RAF1: variants seen among roughly 807,000 people sequenced by gnomAD.
The protein encoded by RAF1 is RAF proto-oncogene serine/threonine-protein kinase.
In RAF1, 27 loss-of-function variants were observed where a neutral mutation model predicts 81.1. The observed-to-expected ratio is 0.33, with a 90% CI of 0.25 to 0.46. The LOEUF (loss-of-function observed/expected upper bound fraction) is 0.46, where lower values mean the gene tolerates loss of function less well. Among genes scored for constraint, RAF1 ranks in the 20% least tolerant of loss-of-function variants. The pLI is 1.00. For synonymous variants in RAF1, 298 were observed against 294.0 expected, an observed-to-expected ratio of 1.01 and a Z score of -0.14; for missense variants, 598 against 826.0, an observed-to-expected ratio of 0.72 and a Z score of 3.38.
At chr3:12,654,985 G>A (rs2060640562) in intron 1 of RAF1, among the ~76,000 whole-genome samples, 1 of 140,734 alleles carries the variant, frequency 7.1e-6, no homozygotes, top group African/African-American at 2.6e-5. Context: ...AGACCAACCT[G>A]GTAAACATAG....
chr3:12,634,742 C>A (rs1431162335), intron 1 of RAF1, among the ~76,000 whole-genome samples: 1 of 151,886 alleles, frequency 6.6e-6, no homozygotes, highest in Non-Finnish European at 1.5e-5. Flanking sequence ...GAAGGAGTAA[C>A]AGAGAAGGGA....
At chr3:12,625,840 T>C (rs1444235232) in intron 1 of RAF1, among the ~76,000 whole-genome samples, 3 of 151,912 alleles carry the variant, frequency 2.0e-5, no homozygotes, top group African/African-American at 2.4e-5. Context: ...CACACACGAG[T>C]CATTTTCCAT....
intron 6 of RAF1, among the ~76,000 whole-genome samples, chr3:12,604,855 C>T (rs1203003995): frequency 1.4e-5 from 2 of 146,794 alleles, no homozygotes; most frequent in Non-Finnish European, 3.1e-5. Context: ...CCAGTCACCA[C>T]CAACCCCCAC....
chr3:12,614,337 C>T (rs745365068), intron 2 of RAF1, among the ~76,000 whole-genome samples: 62 of 152,110 alleles, frequency 4.1e-4, no homozygotes, highest in Admixed American at 4.6e-4. Context: ...ACAGATTAAG[C>T]AGGCCTGCCA....
At chr3:12,624,042 A>G (rs1184297448) in intron 1 of RAF1, among the ~76,000 whole-genome samples, 1 of 151,672 alleles carries the variant, frequency 6.6e-6, no homozygotes, top group Non-Finnish European at 1.5e-5. Flanking sequence ...TTTAGTAGAG[A>G]CAGGGTTTCT....
intron 1 of RAF1, among the ~76,000 whole-genome samples, chr3:12,635,620 G>A (rs369981477): frequency 2.9e-5 from 2 of 70,108 alleles, no homozygotes; most frequent in East Asian, 9.8e-4. Context: ...TGGGCAAAAA[G>A]AGTGAAACTC....
In RAF1 at chr3:12,625,761, G is replaced by A. The variant is rs535007421; in HGVS notation, c.-26-7014C>T. Among the ~76,000 whole-genome samples, 4 of 152,220 alleles carry A rather than the reference G, an allele frequency of 2.6e-5. No homozygotes were observed. The East Asian group carries it at 5.8e-4, about 22-fold the overall frequency. ...TTCCTGAGGCCAGGAGTTCGAGGCT[G>A]TAGTGCATGACTGCACCTGTGAAGA... On this transcript the variant is annotated intron_variant, in intron 1 of 17. Transcript: ENST00000442415.
chr3:12,614,459 A>G (rs4234511), intron 2 of RAF1, among the ~76,000 whole-genome samples: 128,404 of 151,942 alleles, frequency 0.85, 54,718 homozygotes, highest in African/African-American at 0.95. Flanking sequence ...CTGAGACAGA[A>G]TCTTGCTCTG....
chr3:12,634,624 A>AC (rs1327293500), intron 1 of RAF1, among the ~76,000 whole-genome samples: 1 of 152,106 alleles, frequency 6.6e-6, no homozygotes, highest in African/African-American at 2.4e-5. Context: ...CAATTATGTG[A>AC]CCCCTTCTAG....
intron 1 of RAF1, among the ~76,000 whole-genome samples, chr3:12,662,375 T>G (rs1446093976): frequency 3.0e-5 from 4 of 133,008 alleles, no homozygotes; most frequent in Non-Finnish European, 3.2e-5. Flanking sequence ...AAAAAAAAGT[T>G]TGCATTGTTC....
chr3:12,606,264 A>C lies in RAF1; in HGVS notation c.617T>G (p.Val206Gly), dbSNP rs1441036831. 1 of 1,613,936 alleles carries C rather than the reference A, an allele frequency of 6.2e-7. No homozygotes were observed. The highest frequency in any genetic ancestry group is 8.5e-7 in the Non-Finnish European group (1 of 1,179,836). Residue 206 changes from valine (V) to glycine (G), a missense_variant, in exon 6 of 18, where the codon GTC (valine) becomes GGC (glycine). Val to Gly is a moderately radical substitution (Grantham distance 109). Around this residue, in one of 5 missense-constraint regions of RAF1, gnomAD observed 194 missense variants for 202.7 expected, o/e 0.96. Transcript: ENST00000442415. ...CATAGTCAAAGAAGGTAGTGCTGGG[A>C]CTCCACTATCACCAATAGTGGAATT... is the stretch of plus-strand genomic sequence containing the variant.
intron 8 of RAF1, chr3:12,603,435 C>A: frequency 1.5e-6 from 1 of 671,954 alleles, no homozygotes; most frequent in South Asian, 1.6e-5. Context: ...TTTAGCAATC[C>A]TGTTAATTAC....
intron 17 of RAF1, 28 bp from the exon 17 acceptor site, chr3:12,584,685 T>A (rs2125317725): frequency 4.3e-6 from 7 of 1,614,022 alleles, no homozygotes; most frequent in Non-Finnish European, 5.9e-6. Flanking sequence ...AATGCTCTCA[T>A]TAGCTGTGTC....
At chr3:12,651,661 A>G (rs1458860711) in intron 1 of RAF1, among the ~76,000 whole-genome samples, 1 of 151,492 alleles carries the variant, frequency 6.6e-6, no homozygotes, top group Non-Finnish European at 1.5e-5. Context: ...CTCAAAAAAA[A>G]AAAAAGATAC....
intron 1 of RAF1, among the ~76,000 whole-genome samples, chr3:12,654,913 A>G (rs2060638312): frequency 6.6e-6 from 1 of 150,878 alleles, no homozygotes; most frequent in African/African-American, 2.4e-5. Context: ...CAGTGGCTCA[A>G]GCCTGTAATC....
rs1229082028 is a variant in RAF1, at chr3:12,599,823, G to T, written c.1051-15C>A. 3 of 1,576,156 alleles carry T rather than the reference G, an allele frequency of 1.9e-6. No individual in the cohort carries two copies. In the African/African-American group the frequency reaches 4.0e-5, roughly 21 times the overall value. Reference sequence around the variant, plus strand: ...CCACGAGGCCTCTGAAACAAGTAGAGATCATTATTATACTCCATGCAATGG... The same window carrying T: ...CCACGAGGCCTCTGAAACAAGTAGATATCATTATTATACTCCATGCAATGG... On this transcript the variant is annotated splice_polypyrimidine_tract_variant and intron_variant, in intron 10 of 17. Transcript: ENST00000442415.
intron 3 of RAF1, among the ~76,000 whole-genome samples, chr3:12,610,522 ATCTC>A (rs1575586220): frequency 6.6e-6 from 1 of 152,116 alleles, no homozygotes; most frequent in Non-Finnish European, 1.5e-5. Context: ...CTGTCTCAGA[ATCTC>A]TCTAGTCCTT....
chr3:12,590,871 G>C lies in RAF1; in HGVS notation c.1357C>G (p.Leu453Val), dbSNP rs368676608. Residue 453 changes from leucine to valine, a missense_variant, in exon 13 of 18, where the codon CTG (leucine) becomes GTG (valine). This residue lies in a region of RAF1 where 85 missense variants were observed against 185.6 expected (regional missense o/e 0.46). Transcript: ENST00000442415. Reference sequence around the variant, plus strand: ...TGAAACTTGGTCTCCTGGACATGCAGGTGTTTGTAGAGGCTGCTGCCCTCG... The same window carrying C: ...TGAAACTTGGTCTCCTGGACATGCACGTGTTTGTAGAGGCTGCTGCCCTCG... The C allele has an allele frequency of 1.1e-5, 18 of 1,613,614 alleles. No individual in the cohort carries two copies. The highest frequency in any genetic ancestry group is 1.6e-4 in the Middle Eastern group (1 of 6,082).
intron 11 of RAF1, among the ~76,000 whole-genome samples, chr3:12,597,997 C>CA (rs1249311853): frequency 2.3e-5 from 3 of 130,384 alleles, no homozygotes; most frequent in Non-Finnish European, 4.9e-5. Flanking sequence ...ATACTAGATG[C>CA]AATTTTCTTT....
Sources: allele counts gnomAD v4.1 joint callset (sites outside exome capture counted in the v4.1 genomes callset), GRCh38; gene constraint gnomAD v4.1.1; regional missense constraint gnomAD v4.1.1; transcripts MANE v1.5; gene names NCBI Gene and HGNC (gene_info 2026-07-23, HGNC 2026-07-21).